VTI1A: variants seen among roughly 807,000 people sequenced by gnomAD.
The protein encoded by VTI1A is vesicle transport through interaction with t-SNAREs 1A.
VTI1A carries 22 observed loss-of-function variants against 34.9 expected under a neutral mutation model. The ratio of observed to expected loss-of-function variants is 0.63; its 90% CI spans 0.45 to 0.90. VTI1A has a LOEUF of 0.90. Ranked by LOEUF, VTI1A falls within the 40% of genes least tolerant of loss-of-function variation. The pLI is 0.00. For missense variants in VTI1A, 268 were observed against 275.6 expected (o/e 0.97, Z 0.20); for synonymous variants, 87 against 97.3 (o/e 0.89, Z 0.62).
chr10:112,695,604 A>G (rs2133888620), intron 7 of VTI1A, among the ~76,000 whole-genome samples: 1 of 152,334 alleles, frequency 6.6e-6, no homozygotes, highest in Non-Finnish European at 1.5e-5. Flanking sequence ...TTGATTATGG[A>G]TAGTTCCTTC....
intron 5 of VTI1A, among the ~76,000 whole-genome samples, chr10:112,617,344 T>C (rs896720360): frequency 6.6e-6 from 1 of 152,150 alleles, no homozygotes; most frequent in Non-Finnish European, 1.5e-5. Flanking sequence ...ACTAGGAGAT[T>C]GCCATCTGTA....
intron 5 of VTI1A, among the ~76,000 whole-genome samples, chr10:112,582,630 A>C (rs1843993809): frequency 6.6e-6 from 1 of 152,158 alleles, no homozygotes; most frequent in Admixed American, 6.6e-5. Flanking sequence ...GGTAGAGAGG[A>C]AACTCCAAAA....
chr10:112,775,031 G>T (rs1851921868), intron 7 of VTI1A, among the ~76,000 whole-genome samples: 1 of 152,178 alleles, frequency 6.6e-6, no homozygotes, highest in Non-Finnish European at 1.5e-5. Flanking sequence ...TCAGTGCCTT[G>T]TCCCTAATAG....
intron 7 of VTI1A, among the ~76,000 whole-genome samples, chr10:112,746,388 G>A (rs1367479828): frequency 1.3e-5 from 2 of 152,186 alleles, no homozygotes; most frequent in Non-Finnish European, 2.9e-5. Context: ...ACAGCCAGCA[G>A]CGACCCTGCT....
chr10:112,463,025 A>G (rs1349880022), intron 2 of VTI1A, among the ~76,000 whole-genome samples: 2 of 152,086 alleles, frequency 1.3e-5, no homozygotes, highest in African/African-American at 4.8e-5. Flanking sequence ...CCCCAGTTCA[A>G]GCAATTCTCC....
intron 5 of VTI1A, among the ~76,000 whole-genome samples, chr10:112,624,486 A>T (rs1252760781): frequency 6.6e-6 from 1 of 152,098 alleles, no homozygotes; most frequent in Non-Finnish European, 1.5e-5. Flanking sequence ...ATTAGGATAA[A>T]TGATTATAAG....
At position 112,811,683 on chromosome 10, in the gene VTI1A, CAAAAAAAAAAA is replaced by C. The variant is rs869030543; in HGVS notation, c.561-3588_561-3578del. Among the ~76,000 whole-genome samples, 11 of 11,826 alleles carry C rather than the reference CAAAAAAAAAAA, an allele frequency of 9.3e-4. 1 individual carries two copies. The highest frequency in any genetic ancestry group is 1.6e-3 in the Non-Finnish European group (11 of 6,780). 7.8% of individuals were successfully genotyped at this position (11,826 alleles called of 152,430 possible). A position where few individuals can be genotyped will look rare whatever the true frequency, so the allele number is the denominator to read the frequency against. Reference sequence around the variant, plus strand: ...TGGGCGACAGAGCGAGACTCCGTCTCAAAAAAAAAAAAAAAAAAAAAAAAAAAAAGAGTGCA... The same window carrying C: ...TGGGCGACAGAGCGAGACTCCGTCTCAAAAAAAAAAAAAAAAAAGAGTGCA... On this transcript the variant is annotated intron_variant, in intron 7 of 7. Coordinates refer to ENST00000393077, the MANE Select transcript of VTI1A (RefSeq NM_145206.4).
At chr10:112,566,889 T>G (rs1851923048) in intron 5 of VTI1A, among the ~76,000 whole-genome samples, 1 of 152,292 alleles carries the variant, frequency 6.6e-6, no homozygotes, top group East Asian at 1.9e-4. Context: ...TTCCCAATGT[T>G]TATATTGTTG....
chr10:112,594,042 T>C (rs1589949746), intron 5 of VTI1A, among the ~76,000 whole-genome samples: 1 of 152,212 alleles, frequency 6.6e-6, no homozygotes, highest in African/African-American at 2.4e-5. Context: ...CCCGAGCAGC[T>C]GGGACTACAG....
intron 5 of VTI1A, among the ~76,000 whole-genome samples, chr10:112,562,040 T>C (rs1007708221): frequency 1.3e-5 from 2 of 152,018 alleles, no homozygotes; most frequent in Non-Finnish European, 2.9e-5. Flanking sequence ...GCCAAAGGAG[T>C]GTTCTGAGTC....
chr10:112,449,952 T>C (rs1847170718), intron 1 of VTI1A: 1 of 151,946 alleles, frequency 6.6e-6, no homozygotes, highest in South Asian at 2.1e-4. Flanking sequence ...CACGTTGGAG[T>C]GTAATGGCGC....
chr10:112,559,565 C>T (rs560901736), intron 5 of VTI1A, among the ~76,000 whole-genome samples: 9 of 152,040 alleles, frequency 5.9e-5, no homozygotes, highest in Non-Finnish European at 1.0e-4. Flanking sequence ...GAAAGGAGGC[C>T]TTCCTCTTCT....
At chr10:112,619,699 A>C (rs779634889) in intron 5 of VTI1A, among the ~76,000 whole-genome samples, 1 of 152,166 alleles carries the variant, frequency 6.6e-6, no homozygotes, top group Non-Finnish European at 1.5e-5. Flanking sequence ...TGGGGGAGGA[A>C]TGTCTGCTAG....
intron 7 of VTI1A, among the ~76,000 whole-genome samples, chr10:112,707,418 C>T (rs1450285074): frequency 6.6e-6 from 1 of 152,138 alleles, no homozygotes; most frequent in Non-Finnish European, 1.5e-5. Context: ...ACTGCAACCT[C>T]CGCCTCCCAG....
At chr10:112,569,423 A>G (rs184395192) in intron 5 of VTI1A, among the ~76,000 whole-genome samples, 1 of 152,272 alleles carries the variant, frequency 6.6e-6, no homozygotes, top group Admixed American at 6.5e-5. Flanking sequence ...ACTTTTTTTC[A>G]TTATCACATG....
At chr10:112,779,114 T>C (rs1426008073) in intron 7 of VTI1A, among the ~76,000 whole-genome samples, 1 of 152,206 alleles carries the variant, frequency 6.6e-6, no homozygotes, top group African/African-American at 2.4e-5. Flanking sequence ...TACCAAAGGG[T>C]ACACATACTT....
intron 5 of VTI1A, among the ~76,000 whole-genome samples, chr10:112,651,737 G>T (rs1369845253): frequency 2.6e-5 from 4 of 152,182 alleles, no homozygotes; most frequent in Non-Finnish European, 5.9e-5. Flanking sequence ...CGGTGTGTCA[G>T]GGAGGAAATG....
intron 5 of VTI1A, among the ~76,000 whole-genome samples, chr10:112,595,851 A>G (rs959382520): frequency 3.9e-5 from 6 of 152,146 alleles, no homozygotes; most frequent in Admixed American, 1.3e-4. Flanking sequence ...TGCTATAAAG[A>G]CACATGCACC....
rs538755224 is a variant in VTI1A, at chr10:112,640,156, TA to T, written c.428-28057del. On this transcript the variant is annotated intron_variant, in intron 5 of 7. Coordinates refer to ENST00000393077, the MANE Select transcript of VTI1A (RefSeq NM_145206.4). The stretch of plus-strand genomic sequence containing the variant: ...TCATTTTTATTTTTAAATGCCCATT[TA>T]AAAATTCAGCATTTTAAATCTATTT... 3.9e-5 allele frequency among the ~76,000 whole-genome samples: 6 copies of T among 152,344 alleles called. No homozygotes were observed. In the South Asian group the frequency reaches 1.2e-3, roughly 32 times the overall value.
Sources: allele counts gnomAD v4.1 joint callset (sites outside exome capture counted in the v4.1 genomes callset), GRCh38; gene constraint gnomAD v4.1.1; transcripts MANE v1.5; gene names NCBI Gene and HGNC (gene_info 2026-07-23, HGNC 2026-07-21).